ADAMTS2: variants seen among roughly 807,000 people sequenced by gnomAD.
ADAMTS2 encodes ADAM metallopeptidase with thrombospondin type 1 motif 2.
In ADAMTS2, 50 loss-of-function variants were observed where a neutral mutation model predicts 123.0. The ratio of observed to expected loss-of-function variants is 0.41; its 90% CI spans 0.32 to 0.51. The LOEUF (loss-of-function observed/expected upper bound fraction) is 0.51. Among genes scored for constraint, ADAMTS2 ranks in the 20% least tolerant of loss-of-function variants. The pLI, the probability that ADAMTS2 is intolerant of heterozygous loss-of-function variation, is 0.35. For missense variants in ADAMTS2, 1,494 were observed against 1,705.2 expected (o/e 0.88, Z 2.18); for synonymous variants, 678 against 695.4 (o/e 0.98, Z 0.39).
Position 179,125,988 on chromosome 5 carries a change from G to A in ADAMTS2, c.2750+10C>T, listed in dbSNP as rs1045751866. 8.7e-6 allele frequency: 14 copies of A among 1,613,264 alleles called. No individual in the cohort carries two copies. The highest frequency in any genetic ancestry group is 2.2e-5 in the East Asian group (1 of 44,890). The stretch of plus-strand genomic sequence containing the variant: ...CTCCTCTAGTGGGAGCCCGAGCTGG[G>A]GGCACTCACACTGGCTGGGAGCATT... On this transcript the variant is annotated intron_variant, in intron 18 of 21. Coordinates refer to ENST00000251582, the MANE Select transcript of ADAMTS2 (RefSeq NM_014244.5).
rs1270274923 is a variant in ADAMTS2, at chr5:179,312,291, A to C, written c.534+31476T>G. On this transcript the variant is annotated intron_variant, in intron 2 of 21. Transcript: ENST00000251582. The surrounding 1 kb of genome is among the most constrained non-coding windows in gnomAD (Gnocchi z 4.2). Reference sequence around the variant, plus strand: ...ATGTTTATATTCCCCCCAAATTCCGATGTTGAAAGCTACTCCCCCAAGGTG... The same window carrying C: ...ATGTTTATATTCCCCCCAAATTCCGCTGTTGAAAGCTACTCCCCCAAGGTG... Among the ~76,000 whole-genome samples the C allele has an allele frequency of 6.6e-6, 1 of 152,094 alleles. No homozygotes were observed. Among genetic ancestry groups the C allele is most frequent in the East Asian group, 1.9e-4 (1 of 5,182 alleles).
chr5:179,344,418 G>GCC (rs1757878582), intron 1 of ADAMTS2, among the ~76,000 whole-genome samples: 1 of 152,072 alleles, frequency 6.6e-6, no homozygotes, highest in Non-Finnish European at 1.5e-5. Flanking sequence ...CAAGAGCTCT[G>GCC]CCCCCTGCCC....
chr5:179,222,531 C>T (rs1028804052), intron 3 of ADAMTS2, among the ~76,000 whole-genome samples: 1 of 152,220 alleles, frequency 6.6e-6, no homozygotes, highest in Non-Finnish European at 1.5e-5. Flanking sequence ...CTGCCCTCAA[C>T]ACTGCAAGGG....
At chr5:179,268,235 C>T (rs1030823940) in intron 3 of ADAMTS2, among the ~76,000 whole-genome samples, 2 of 152,232 alleles carry the variant, frequency 1.3e-5, no homozygotes, top group African/African-American at 4.8e-5. Flanking sequence ...ATGGCAAGGC[C>T]AGGGCTGGAC....
chr5:179,223,545 C>A (rs1369736749), intron 3 of ADAMTS2, among the ~76,000 whole-genome samples: 1 of 140,788 alleles, frequency 7.1e-6, no homozygotes, highest in Non-Finnish European at 1.5e-5. Context: ...CACACTCACA[C>A]GAATGCACTC....
rs192699688 is a variant in ADAMTS2 at position 179,136,756 on chromosome 5, G to T, written c.1952-714C>A. On this transcript the variant is annotated intron_variant, in intron 12 of 21. Coordinates refer to ENST00000251582, the MANE Select transcript of ADAMTS2 (RefSeq NM_014244.5). ...GAGGCCGAGGCAGGCGGATCATGAC[G>T]TCAGGAGATGGAGACCATCCTGGCT... Among the ~76,000 whole-genome samples the T allele has an allele frequency of 5.3e-5, 8 of 151,236 alleles. No individual in the cohort carries two copies. In the East Asian group the frequency reaches 1.6e-3, roughly 29 times the overall value.
rs527726487 is a variant in ADAMTS2 at position 179,343,677 on chromosome 5, C to T, written c.534+90G>A. Reference sequence around the variant, plus strand: ...GGCGCGGAAAGTCCTCAGCGCAGGCCTTGCCCTCCCAAGGGACTCCCAGGT... The same window carrying T: ...GGCGCGGAAAGTCCTCAGCGCAGGCTTTGCCCTCCCAAGGGACTCCCAGGT... On this transcript the variant is annotated intron_variant, in intron 2 of 21. Coordinates refer to ENST00000251582, the MANE Select transcript of ADAMTS2 (RefSeq NM_014244.5). The T allele has an allele frequency of 2.6e-5, 40 of 1,522,270 alleles. No homozygotes were observed. In the Admixed American group the frequency reaches 2.9e-4, roughly 11 times the overall value. 94.3% of individuals were successfully genotyped at this position (1,522,270 alleles called of 1,614,324 possible).
rs529867182 is a variant in ADAMTS2, at chr5:179,260,409, C to G, written c.688+12502G>C. On this transcript the variant is annotated intron_variant, in intron 3 of 21. Transcript: ENST00000251582. The surrounding 1 kb of genome is among the most constrained non-coding windows in gnomAD (Gnocchi z 4.2). ...CCCCGAAGCTAACGTGCTAAGTGAC[C>G]TGGAGACACATCCTCACTCACCCTC... is the stretch of plus-strand genomic sequence containing the variant. Among the ~76,000 whole-genome samples, 133 of 152,362 alleles carry G rather than the reference C, an allele frequency of 8.7e-4. 2 individuals carry two copies. The highest frequency in any genetic ancestry group is 2.9e-3 in the African/African-American group (122 of 41,588).
intron 3 of ADAMTS2, among the ~76,000 whole-genome samples, chr5:179,224,770 T>C (rs1038999864): frequency 6.6e-6 from 1 of 152,240 alleles, no homozygotes; most frequent in Non-Finnish European, 1.5e-5. Context: ...ATGTAGGTGC[T>C]GTGCTGCTTG....
At position 179,154,189 on chromosome 5, in the gene ADAMTS2, C is replaced by T; in HGVS notation, c.1242G>A (p.Leu414=). The change falls in exon 8 of 22, where the codon CTG becomes CTA. Residue 414 remains leucine, a synonymous_variant. Coordinates refer to ENST00000251582, the MANE Select transcript of ADAMTS2 (RefSeq NM_014244.5). Reference sequence around the variant, plus strand: ...TGCCCTGCCCGTCGTGCTCCATGCCCAGCCTGCGAGGGCCGAGGCAGCTGG... The same window carrying T: ...TGCCCTGCCCGTCGTGCTCCATGCCTAGCCTGCGAGGGCCGAGGCAGCTGG... ...FVVAHETGHV[L]GMEHDGQGNR... is the part of the protein sequence containing the mutation. The T allele has an allele frequency of 1.3e-6, 2 of 1,554,896 alleles. No homozygotes were observed. Among genetic ancestry groups the T allele is most frequent in the African/African-American group, 2.7e-5 (2 of 74,012 alleles).
intron 12 of ADAMTS2, among the ~76,000 whole-genome samples, chr5:179,136,320 G>T (rs1363426401): frequency 6.6e-6 from 1 of 152,144 alleles, no homozygotes; most frequent in Admixed American, 6.5e-5. Context: ...CCGAGGCCCC[G>T]CTTGGAGACC....
chr5:179,223,794 T>C (rs898021428), intron 3 of ADAMTS2, among the ~76,000 whole-genome samples: 12 of 151,844 alleles, frequency 7.9e-5, no homozygotes, highest in African/African-American at 2.9e-4. Flanking sequence ...TGTGTGCATG[T>C]CACACGTGTG....
intron 13 of ADAMTS2, among the ~76,000 whole-genome samples, chr5:179,134,632 G>T (rs1287769199): frequency 6.6e-6 from 1 of 152,170 alleles, no homozygotes; most frequent in African/African-American, 2.4e-5. Flanking sequence ...GGCGTATTTG[G>T]TGTCGCCATC....
At chr5:179,182,674 T>A (rs1410064997) in intron 4 of ADAMTS2, among the ~76,000 whole-genome samples, 1 of 152,174 alleles carries the variant, frequency 6.6e-6, no homozygotes, top group African/African-American at 2.4e-5. Context: ...CAGCTCCTCT[T>A]GGCAACTGCT....
At chr5:179,139,310 G>A (rs1470068071) in intron 11 of ADAMTS2, among the ~76,000 whole-genome samples, 1 of 152,028 alleles carries the variant, frequency 6.6e-6, no homozygotes, top group African/African-American at 2.4e-5. Flanking sequence ...GCACGGGCCC[G>A]GGAGATATTT....
chr5:179,267,510 G>A (rs1297317736), intron 3 of ADAMTS2, among the ~76,000 whole-genome samples: 1 of 152,250 alleles, frequency 6.6e-6, no homozygotes, highest in Non-Finnish European at 1.5e-5. Context: ...CAGCCCAGCA[G>A]GGTGTGTGCA....
chr5:179,178,755 T>C (rs1266412281), intron 5 of ADAMTS2, among the ~76,000 whole-genome samples: 1 of 152,222 alleles, frequency 6.6e-6, no homozygotes, highest in Non-Finnish European at 1.5e-5. Context: ...TTCCTTAAGT[T>C]TTTGGTTTTG....
chr5:179,140,962 G>A (rs541003954), intron 10 of ADAMTS2, among the ~76,000 whole-genome samples: 1 of 147,632 alleles, frequency 6.8e-6, no homozygotes, highest in East Asian at 2.0e-4. Context: ...ACCACCCCCA[G>A]CTAATTTTTG....
intron 10 of ADAMTS2, among the ~76,000 whole-genome samples, chr5:179,145,508 G>C (rs560794950): frequency 3.3e-5 from 5 of 152,298 alleles, no homozygotes; most frequent in African/African-American, 1.2e-4. Flanking sequence ...CCACACAGTG[G>C]ATTAGTATTC....
Sources: allele counts gnomAD v4.1 joint callset (sites outside exome capture counted in the v4.1 genomes callset), GRCh38; gene constraint gnomAD v4.1.1; non-coding constraint Gnocchi (gnomAD v3.1); transcripts MANE v1.5; gene names NCBI Gene and HGNC (gene_info 2026-07-23, HGNC 2026-07-21).